Variants in NKAIN3 observed in about 807,000 individuals in gnomAD.
NKAIN3 encodes sodium/potassium-transporting ATPase subunit beta-1-interacting protein 3.
A neutral mutation model predicts 30.2 loss-of-function variants in NKAIN3; 25 were observed. The observed-to-expected ratio is 0.83, with a 90% CI of 0.60 to 1.16. NKAIN3 has a LOEUF of 1.16. Ranked by LOEUF, NKAIN3 falls within the 50% of genes most tolerant of loss-of-function variation. The probability of loss-of-function intolerance (pLI) is 0.00; values close to 1 mark genes in which losing one functional copy is unlikely to be tolerated. For missense variants in NKAIN3, 225 were observed against 254.1 expected (o/e 0.89, Z 0.78); for synonymous variants, 91 against 89.6 (o/e 1.02, Z -0.09).
At chr8:62,501,207 T>G (rs1416374894) in intron 1 of NKAIN3, among the ~76,000 whole-genome samples, 1 of 152,132 alleles carries the variant, frequency 6.6e-6, no homozygotes, top group African/African-American at 2.4e-5. Context: ...TTATATTGAA[T>G]ATATGAAAAC....
chr8:62,262,921 A>C (rs140899425), intron 1 of NKAIN3, among the ~76,000 whole-genome samples: 1 of 152,294 alleles, frequency 6.6e-6, no homozygotes, highest in East Asian at 1.9e-4. Flanking sequence ...TTTTGATTAA[A>C]GATATAAGTA....
chr8:62,657,988 G>A (rs1350851634), intron 3 of NKAIN3, among the ~76,000 whole-genome samples: 1 of 152,192 alleles, frequency 6.6e-6, no homozygotes, highest in Non-Finnish European at 1.5e-5. Context: ...TGAAGAGAGT[G>A]CAGATCTCTC....
chr8:62,360,296 G>A (rs142519158), intron 1 of NKAIN3, among the ~76,000 whole-genome samples: 2 of 152,300 alleles, frequency 1.3e-5, no homozygotes, highest in East Asian at 3.9e-4. Context: ...CCCTGATTAT[G>A]TCATATCAAA....
chr8:62,711,350 T>A (rs966402611), intron 3 of NKAIN3, among the ~76,000 whole-genome samples: 3 of 152,182 alleles, frequency 2.0e-5, no homozygotes, highest in Non-Finnish European at 4.4e-5. Context: ...TTTAGAATTC[T>A]CTTTTTCCTC....
chr8:62,893,151 G>T (rs918839915), intron 4 of NKAIN3, among the ~76,000 whole-genome samples: 1 of 152,094 alleles, frequency 6.6e-6, no homozygotes, highest in African/African-American at 2.4e-5. Context: ...TGCATAAAAG[G>T]TTGAGCTCAG....
chr8:62,735,365 TCTTTCTTTCTTTC>T (rs1336344340), intron 3 of NKAIN3, among the ~76,000 whole-genome samples: 1 of 32,682 alleles, frequency 3.1e-5, no homozygotes. Context: ...TTTCTTTCTT[TCTTTCTTTCTTTC>T]TTTTTTTTTT....
chr8:62,459,118 G>T (rs1329387502), intron 1 of NKAIN3, among the ~76,000 whole-genome samples: 3 of 151,330 alleles, frequency 2.0e-5, no homozygotes, highest in Non-Finnish European at 4.4e-5. Context: ...GCAGGCCTCT[G>T]TCCTCAGCAG....
At chr8:62,530,238 T>G (rs1477004424) in intron 1 of NKAIN3, among the ~76,000 whole-genome samples, 1 of 152,078 alleles carries the variant, frequency 6.6e-6, no homozygotes, top group African/African-American at 2.4e-5. Flanking sequence ...TTTTTCTGCC[T>G]CATAGTTTCA....
intron 1 of NKAIN3, among the ~76,000 whole-genome samples, chr8:62,480,826 C>A (rs368244516): frequency 6.6e-6 from 1 of 152,136 alleles, no homozygotes; most frequent in East Asian, 1.9e-4. Flanking sequence ...GGGGATGGGG[C>A]ATGCATTTTC....
chr8:62,690,776 ATAAGC>A (rs1813943002), intron 3 of NKAIN3, among the ~76,000 whole-genome samples: 1 of 152,218 alleles, frequency 6.6e-6, no homozygotes, highest in South Asian at 2.1e-4. Flanking sequence ...GATTTTCTGA[ATAAGC>A]TAACCTCTGG....
intron 3 of NKAIN3, among the ~76,000 whole-genome samples, chr8:62,706,519 G>A (rs777726912): frequency 6.6e-5 from 10 of 151,842 alleles, no homozygotes; most frequent in South Asian, 2.1e-4. Flanking sequence ...CCATTCATTC[G>A]TTTATAGTTT....
intron 1 of NKAIN3, among the ~76,000 whole-genome samples, chr8:62,526,425 C>T (rs1303804224): frequency 6.6e-6 from 1 of 152,024 alleles, no homozygotes; most frequent in East Asian, 1.9e-4. Flanking sequence ...ATATTTTGGA[C>T]TCGATTTCTG....
chr8:62,723,232 G>GA (rs1266994172), intron 3 of NKAIN3, among the ~76,000 whole-genome samples: 5 of 151,862 alleles, frequency 3.3e-5, no homozygotes, highest in Admixed American at 6.6e-5. Flanking sequence ...TTATTTTTCT[G>GA]AAAAAAGAAA....
chr8:62,576,758 A>G (rs1386560463), intron 1 of NKAIN3, among the ~76,000 whole-genome samples: 3 of 152,096 alleles, frequency 2.0e-5, no homozygotes, highest in Non-Finnish European at 4.4e-5. Context: ...CCCCTCAACC[A>G]AGGCTAGCAT....
intron 3 of NKAIN3, among the ~76,000 whole-genome samples, chr8:62,690,490 A>ATT (rs2130441177): frequency 6.6e-6 from 1 of 152,362 alleles, no homozygotes; most frequent in Non-Finnish European, 1.5e-5. Context: ...GCTACGGCAG[A>ATT]TGTACAATCT....
intron 1 of NKAIN3, among the ~76,000 whole-genome samples, chr8:62,327,578 C>T (rs1815185314): frequency 6.6e-6 from 1 of 151,972 alleles, no homozygotes; most frequent in Non-Finnish European, 1.5e-5. Flanking sequence ...CTGGCCTTTC[C>T]CCATTGAATA....
chr8:62,827,822 T>C (rs1819072443), intron 4 of NKAIN3, among the ~76,000 whole-genome samples: 1 of 152,210 alleles, frequency 6.6e-6, no homozygotes, highest in African/African-American at 2.4e-5. Flanking sequence ...TAATAAGTAC[T>C]CACACATGGC....
intron 1 of NKAIN3, among the ~76,000 whole-genome samples, chr8:62,544,923 G>A (rs1214137025): frequency 6.6e-6 from 1 of 152,100 alleles, no homozygotes; most frequent in Non-Finnish European, 1.5e-5. Context: ...ATAAACTGGA[G>A]AAAAGAGAAT....
intron 3 of NKAIN3, among the ~76,000 whole-genome samples, chr8:62,639,648 G>A (rs948849219): frequency 1.3e-5 from 2 of 152,018 alleles, no homozygotes; most frequent in East Asian, 3.9e-4. Context: ...AAAGAGAGGG[G>A]AAATCATAAA....
Sources: gnomAD v4.1 joint callset for allele counts (sites outside exome capture counted in the v4.1 genomes callset) on GRCh38, gnomAD v4.1.1 for gene constraint, MANE v1.5 for transcripts, NCBI Gene and HGNC (gene_info 2026-07-23, HGNC 2026-07-21) for gene names.